MACROD2: variants seen among roughly 807,000 people sequenced by gnomAD.
MACROD2 encodes the protein ADP-ribose glycohydrolase MACROD2.
MACROD2 carries 36 observed loss-of-function variants against 70.4 expected under a neutral mutation model. The ratio of observed to expected loss-of-function variants is 0.51; its 90% confidence interval spans 0.39 to 0.68. MACROD2 has a LOEUF of 0.68. Among genes scored for constraint, MACROD2 ranks in the 30% least tolerant of loss-of-function variants. MACROD2 has a pLI of 0.00. For missense variants in MACROD2, 496 were observed against 538.4 expected (o/e 0.92, Z 0.78); for synonymous variants, 172 against 178.8 (o/e 0.96, Z 0.30).
intron 8 of MACROD2, among the ~76,000 whole-genome samples, chr20:15,590,975 GAAAGA>G (rs981501397): frequency 3.3e-5 from 5 of 151,080 alleles, no homozygotes; most frequent in African/African-American, 9.7e-5. Flanking sequence ...AAGAAAGAAA[GAAAGA>G]AAAGAAGAGA....
chr20:15,608,184 T>C lies in MACROD2; in HGVS notation c.645+108337T>C, dbSNP rs565200451. On this transcript the variant is annotated intron_variant, in intron 8 of 17. Transcript: ENST00000684519. ...ATATGTTGCATTATTGTCACAAATTTGTGATAACGTCCTGTATCTTCTCCC... is the reference window on the plus strand; with the variant it reads ...ATATGTTGCATTATTGTCACAAATTCGTGATAACGTCCTGTATCTTCTCCC... Among the ~76,000 whole-genome samples the C allele has an allele frequency of 2.6e-4, 39 of 152,334 alleles. No homozygotes were observed. The South Asian group carries it at 7.5e-3, about 29-fold the overall frequency.
intron 12 of MACROD2, among the ~76,000 whole-genome samples, chr20:15,956,552 C>T (rs2065979422): frequency 6.6e-6 from 1 of 152,174 alleles, no homozygotes; most frequent in African/African-American, 2.4e-5. Context: ...AAAAGTCCTA[C>T]TTTAAATGAA....
intron 6 of MACROD2, among the ~76,000 whole-genome samples, chr20:15,366,151 A>G (rs2045405898): frequency 6.6e-6 from 1 of 152,052 alleles, no homozygotes; most frequent in Admixed American, 6.5e-5. Flanking sequence ...TCATCTTCCC[A>G]CTCTTGAACA....
intron 3 of MACROD2, among the ~76,000 whole-genome samples, chr20:14,254,553 T>G (rs1252802329): frequency 1.3e-5 from 2 of 152,096 alleles, no homozygotes; most frequent in Non-Finnish European, 2.9e-5. Context: ...TTATTTCTAG[T>G]AAAATAAGGA....
intron 5 of MACROD2, among the ~76,000 whole-genome samples, chr20:14,872,179 C>T (rs780455782): frequency 2.4e-4 from 36 of 152,072 alleles, no homozygotes; most frequent in Non-Finnish European, 4.7e-4. Context: ...TGATAGACAT[C>T]TACAGAACTC....
chr20:14,837,940 AAAAACAAAACAAAAC>A (rs142423143), intron 5 of MACROD2, among the ~76,000 whole-genome samples: 2 of 150,540 alleles, frequency 1.3e-5, no homozygotes, highest in Admixed American at 1.3e-4. Context: ...GGCACAGCCA[AAAAACAAAACAAAAC>A]AAAACAAAAC....
chr20:14,719,973 A>G (rs1424797674), intron 5 of MACROD2, among the ~76,000 whole-genome samples: 1 of 152,196 alleles, frequency 6.6e-6, no homozygotes, highest in African/African-American at 2.4e-5. Flanking sequence ...GCTATCTCAT[A>G]TCTGGAATTT....
chr20:15,969,214 A>C (rs182338461), intron 13 of MACROD2, among the ~76,000 whole-genome samples: 93 of 152,238 alleles, frequency 6.1e-4, no homozygotes, highest in East Asian at 4.1e-3. Context: ...CATCTAAGAA[A>C]AGCAAATGTA....
chr20:14,144,711 C>T (rs2054923306), intron 3 of MACROD2, among the ~76,000 whole-genome samples: 1 of 152,158 alleles, frequency 6.6e-6, no homozygotes, highest in East Asian at 1.9e-4. Flanking sequence ...ATTGTGTATT[C>T]CTTCAGCGAC....
intron 5 of MACROD2, among the ~76,000 whole-genome samples, chr20:14,845,301 C>G (rs1334895079): frequency 6.6e-6 from 1 of 152,030 alleles, no homozygotes; most frequent in African/African-American, 2.4e-5. Flanking sequence ...ATTGGAGTCA[C>G]AGTTGTATTT....
chr20:14,030,573 C>A (rs2053233854), intron 2 of MACROD2, among the ~76,000 whole-genome samples: 1 of 151,916 alleles, frequency 6.6e-6, no homozygotes, highest in African/African-American at 2.4e-5. Flanking sequence ...CCATGACCAG[C>A]TAATTTTTGT....
chr20:14,018,865 T>C (rs1338215686), intron 2 of MACROD2, among the ~76,000 whole-genome samples: 2 of 152,194 alleles, frequency 1.3e-5, no homozygotes, highest in African/African-American at 4.8e-5. Flanking sequence ...AAAGCTTTAT[T>C]GCAAGGTTGA....
At position 14,608,350 on chromosome 20, in the gene MACROD2, T is replaced by C. The variant is rs565025257; in HGVS notation, c.302-76493T>C. On this transcript the variant is annotated intron_variant, in intron 4 of 17. Transcript: ENST00000684519. The stretch of plus-strand genomic sequence containing the variant: ...AACTACTGTGAGTAATCTGCACTTT[T>C]ATTTCTCTTTTGGCCCATAAGTTTT... Among the ~76,000 whole-genome samples the C allele has an allele frequency of 2.6e-5, 4 of 152,308 alleles. No homozygotes were observed. The East Asian group carries it at 7.7e-4, about 29-fold the overall frequency.
intron 8 of MACROD2, among the ~76,000 whole-genome samples, chr20:15,756,058 C>T (rs528635225): frequency 6.6e-6 from 1 of 152,318 alleles, no homozygotes; most frequent in East Asian, 1.9e-4. Context: ...TATGCCACCT[C>T]TGTCCCCTTG....
intron 8 of MACROD2, among the ~76,000 whole-genome samples, chr20:15,797,157 A>G (rs2063681550): frequency 6.6e-6 from 1 of 152,134 alleles, no homozygotes; most frequent in East Asian, 1.9e-4. Flanking sequence ...TCTGTTGCCC[A>G]GGCTGGAGTG....
At chr20:14,427,515 A>G (rs1262010551) in intron 3 of MACROD2, among the ~76,000 whole-genome samples, 2 of 151,420 alleles carry the variant, frequency 1.3e-5, no homozygotes, top group African/African-American at 4.8e-5. Flanking sequence ...TATGTATGAT[A>G]TATAATATAC....
At chr20:14,154,871 C>G (rs1569182491) in intron 3 of MACROD2, among the ~76,000 whole-genome samples, 1 of 152,126 alleles carries the variant, frequency 6.6e-6, no homozygotes, top group East Asian at 1.9e-4. Context: ...GTGTGAATCT[C>G]TATTTTAGCA....
intron 5 of MACROD2, among the ~76,000 whole-genome samples, chr20:14,824,760 A>C (rs975752724): frequency 6.6e-6 from 1 of 152,070 alleles, no homozygotes; most frequent in East Asian, 1.9e-4. Context: ...GGGAGGGGCT[A>C]CCCATGGATA....
intron 5 of MACROD2, among the ~76,000 whole-genome samples, chr20:14,981,874 T>C (rs2074804331): frequency 6.7e-6 from 1 of 148,196 alleles, no homozygotes; most frequent in Admixed American, 6.8e-5. Context: ...GCTGAAAAGA[T>C]ACCTGAAAAT....
Sources: gnomAD v4.1 joint callset for allele counts (sites outside exome capture counted in the v4.1 genomes callset) on GRCh38, gnomAD v4.1.1 for gene constraint, MANE v1.5 for transcripts, NCBI Gene and HGNC (gene_info 2026-07-23, HGNC 2026-07-21) for gene names.